MBNL2: variants seen among roughly 807,000 people sequenced by gnomAD.
The protein encoded by MBNL2 is muscleblind-like protein 2.
In MBNL2, 17 loss-of-function variants were observed where a neutral mutation model predicts 41.9. The ratio of observed to expected loss-of-function variants is 0.41; its 90% CI spans 0.28 to 0.61. The LOEUF (loss-of-function observed/expected upper bound fraction) is 0.61. Among genes scored for constraint, MBNL2 ranks in the 20% least tolerant of loss-of-function variants. The pLI is 0.35. For synonymous variants in MBNL2, 195 were observed against 182.9 expected (o/e 1.07, Z -0.53); for missense variants, 336 against 505.6 (o/e 0.66, Z 3.22).
the MBNL2 span, among the ~76,000 whole-genome samples, chr13:97,142,409 C>T: frequency 6.6e-6 from 1 of 152,122 alleles, no homozygotes; most frequent in African/African-American, 2.4e-5. Flanking sequence ...AAGGCAAGGA[C>T]CTTGTCTAAA....
At chr13:97,195,937 T>A in the MBNL2 span, among the ~76,000 whole-genome samples, 1 of 152,160 alleles carries the variant, frequency 6.6e-6, no homozygotes, top group African/African-American at 2.4e-5. Context: ...TGAAGAATAA[T>A]CTCCAAGGAC....
chr13:97,374,547 C>T lies in MBNL2; in HGVS notation c.1048+9376C>T, dbSNP rs565387280. On this transcript the variant is annotated intron_variant, in intron 8 of 8. Coordinates refer to ENST00000679496, the MANE Select transcript of MBNL2 (RefSeq NM_001382683.1). ...TAGCTGGGATTATAGTCGCCCGCCA[C>T]CACGCTCAGCTCATTTTTGTATTTT... is the stretch of plus-strand genomic sequence containing the variant. 2.0e-5 allele frequency among the ~76,000 whole-genome samples: 3 copies of T among 151,668 alleles called. No homozygotes were observed. The South Asian group carries it at 6.3e-4, about 32-fold the overall frequency.
chr13:97,358,188 A>G (rs575394687), intron 7 of MBNL2, among the ~76,000 whole-genome samples: 2 of 152,326 alleles, frequency 1.3e-5, no homozygotes, highest in South Asian at 4.1e-4. Flanking sequence ...GCCTGATACT[A>G]TTACGTACGA....
the MBNL2 span, among the ~76,000 whole-genome samples, chr13:97,174,706 T>G: frequency 6.6e-6 from 1 of 152,166 alleles, no homozygotes; most frequent in Non-Finnish European, 1.5e-5. Context: ...CTAGATCACA[T>G]CTGCACACTT....
chr13:97,310,782 C>CT (rs11345201), intron 2 of MBNL2, among the ~76,000 whole-genome samples: 16,475 of 135,852 alleles, frequency 0.12, 1,008 homozygotes, highest in South Asian at 0.18. Context: ...AATTCAGCAT[C>CT]TTTTTTTTTT....
At chr13:97,291,919 T>TAAAAAAAAAAAA (rs1594165236) in intron 2 of MBNL2, among the ~76,000 whole-genome samples, 3 of 23,642 alleles carry the variant, frequency 1.3e-4, no homozygotes, top group African/African-American at 6.4e-4. Flanking sequence ...AAAAAAAAAG[T>TAAAAAAAAAAAA]GGGCTGGGTG....
intron 2 of MBNL2, among the ~76,000 whole-genome samples, chr13:97,284,349 T>C (rs1183259190): frequency 6.6e-6 from 1 of 152,186 alleles, no homozygotes; most frequent in Non-Finnish European, 1.5e-5. Flanking sequence ...TAGCGCTGTG[T>C]GTTCCTTGGC....
the MBNL2 span, among the ~76,000 whole-genome samples, chr13:97,210,476 G>C: frequency 7.6e-5 from 11 of 144,262 alleles, no homozygotes; most frequent in South Asian, 2.5e-3. Flanking sequence ...TATGTGGATA[G>C]TTTTCTATTC....
chr13:97,333,644 C>T (rs2060607548), intron 2 of MBNL2, among the ~76,000 whole-genome samples: 1 of 152,162 alleles, frequency 6.6e-6, no homozygotes, highest in Non-Finnish European at 1.5e-5. Context: ...GCCTCTTCAT[C>T]CATAAGCTGA....
At chr13:97,161,209 C>T in the MBNL2 span, among the ~76,000 whole-genome samples, 7 of 152,192 alleles carry the variant, frequency 4.6e-5, no homozygotes, top group Non-Finnish European at 7.3e-5. Context: ...TGGCATTTAG[C>T]ATTGAGAGGA....
intron 2 of MBNL2, among the ~76,000 whole-genome samples, chr13:97,326,682 A>G (rs892320439): frequency 6.6e-6 from 1 of 152,202 alleles, no homozygotes; most frequent in Non-Finnish European, 1.5e-5. Context: ...TATTTGCTAT[A>G]TTAGGTAGTT....
intron 8 of MBNL2, 132 bp downstream of exon 8, chr13:97,365,303 A>G: frequency 5.8e-6 from 4 of 693,966 alleles, no homozygotes; most frequent in Non-Finnish European, 1.0e-5. Flanking sequence ...TTTAGAGTTA[A>G]CATATAGGTT....
the MBNL2 span, among the ~76,000 whole-genome samples, chr13:97,183,390 C>T: frequency 1.3e-5 from 2 of 152,288 alleles, no homozygotes; most frequent in East Asian, 1.9e-4. Flanking sequence ...AAGACTCATT[C>T]GGTTTCCAGT....
intron 2 of MBNL2, among the ~76,000 whole-genome samples, chr13:97,290,381 A>G (rs576313135): frequency 6.1e-4 from 93 of 152,264 alleles, no homozygotes; most frequent in African/African-American, 2.1e-3. Context: ...AAATCAGCAG[A>G]AACAGCCCTC....
At chr13:97,303,469 A>C (rs550044890) in intron 2 of MBNL2, among the ~76,000 whole-genome samples, 1 of 152,340 alleles carries the variant, frequency 6.6e-6, no homozygotes, top group East Asian at 1.9e-4. Context: ...AGAGACAATC[A>C]AAATGGAGAA....
At chr13:97,297,875 G>GAC (rs2057221172) in intron 2 of MBNL2, among the ~76,000 whole-genome samples, 1 of 152,056 alleles carries the variant, frequency 6.6e-6, no homozygotes, top group Admixed American at 6.6e-5. Context: ...AAGACGAAAA[G>GAC]ACAAAATGCT....
rs1363481797 is a variant in MBNL2 at position 97,381,073 on chromosome 13, ATCTCTCCCTCTCTGTCCCTCTCTTTC to A, written c.1049-10235_1049-10210del. On this transcript the variant is annotated intron_variant, in intron 8 of 8. Coordinates refer to ENST00000679496, the MANE Select transcript of MBNL2 (RefSeq NM_001382683.1). Reference sequence around the variant, plus strand: ...GTGGTTTTTGTTAACCTCTCTCTCTATCTCTCCCTCTCTGTCCCTCTCTTTCTCTCTCCCTCTCTCTGACACACACA... The same window carrying A: ...GTGGTTTTTGTTAACCTCTCTCTCTATCTCTCCCTCTCTCTGACACACACA... 4.2e-3 allele frequency among the ~76,000 whole-genome samples: 631 copies of A among 149,906 alleles called. 4 individuals carry two copies. The highest frequency in any genetic ancestry group is 0.015 in the African/African-American group (609 of 40,572).
At chr13:97,204,100 T>C in the MBNL2 span, among the ~76,000 whole-genome samples, 2 of 152,240 alleles carry the variant, frequency 1.3e-5, no homozygotes, top group African/African-American at 4.8e-5. Flanking sequence ...GTCTGTCTGC[T>C]GAGTCTAGCT....
intron 1 of MBNL2, among the ~76,000 whole-genome samples, chr13:97,248,213 C>T (rs2045858406): frequency 6.6e-6 from 1 of 152,226 alleles, no homozygotes; most frequent in Non-Finnish European, 1.5e-5. Context: ...CCTCCACCTC[C>T]TGGGTTCAAG....
Sources: gnomAD v4.1 joint callset for allele counts (sites outside exome capture counted in the v4.1 genomes callset) on GRCh38, gnomAD v4.1.1 for gene constraint, MANE v1.5 for transcripts, NCBI Gene and HGNC (gene_info 2026-07-23, HGNC 2026-07-21) for gene names.